The following MAOB variants were observed in gnomAD, a reference collection of about 807,000 sequenced individuals.
The protein encoded by MAOB is amine oxidase [flavin-containing] B.
A neutral mutation model predicts 41.9 loss-of-function variants in MAOB; 15 were observed. The ratio of observed to expected loss-of-function variants is 0.36; its 90% confidence interval spans 0.24 to 0.55. The LOEUF (loss-of-function observed/expected upper bound fraction) is 0.55, where lower values mean the gene tolerates loss of function less well. Among genes scored for constraint, MAOB ranks in the 20% least tolerant of loss-of-function variants. The probability of loss-of-function intolerance (pLI) is 0.86; values close to 1 mark genes in which losing one functional copy is unlikely to be tolerated. For missense variants in MAOB, 345 were observed against 398.7 expected (o/e 0.87, Z 1.15); for synonymous variants, 167 against 144.2 (o/e 1.16, Z -1.13).
intron 3 of MAOB, among the ~76,000 whole-genome samples, chrX:43,829,115 C>A (rs1010282640): frequency 1.8e-5 from 2 of 111,701 alleles, no homozygotes; most frequent in African/African-American, 6.5e-5. Flanking sequence ...TTAACATTTG[C>A]CAACTTTAAA....
At chrX:43,819,541 A>G (rs1007077512) in intron 3 of MAOB, among the ~76,000 whole-genome samples, 16 of 111,110 alleles carry the variant, frequency 1.4e-4, no homozygotes, top group Admixed American at 9.6e-5. Flanking sequence ...TCCCCACAGT[A>G]CCCACTAACA....
intron 5 of MAOB, among the ~76,000 whole-genome samples, chrX:43,800,465 A>C (rs2034579145): frequency 8.9e-6 from 1 of 111,788 alleles, no homozygotes; most frequent in Non-Finnish European, 1.9e-5. Context: ...GAGGTGTTAG[A>C]TAGCATTAGG....
At chrX:43,826,878 G>A (rs756334546) in intron 3 of MAOB, among the ~76,000 whole-genome samples, 22 of 112,024 alleles carry the variant, frequency 2.0e-4, no homozygotes, top group African/African-American at 6.8e-4. Flanking sequence ...TTGCACTGGG[G>A]ATTAAGTTGC....
chrX:43,840,664 G>A lies in MAOB; in HGVS notation c.142-1659C>T, dbSNP rs1000884402. Among the ~76,000 whole-genome samples, 32 of 110,586 alleles carry A rather than the reference G, an allele frequency of 2.9e-4. 1 individual carries two copies. The highest frequency in any genetic ancestry group is 9.9e-4 in the African/African-American group (30 of 30,375). Reference sequence around the variant, plus strand: ...ATGAGCCTAAGCAGGGTGGGGTGTCGCCTTACCTGGGAAGTGCAAGGGGTT... The same window carrying A: ...ATGAGCCTAAGCAGGGTGGGGTGTCACCTTACCTGGGAAGTGCAAGGGGTT... On this transcript the variant is annotated intron_variant, in intron 2 of 14. Transcript: ENST00000378069.
intron 7 of MAOB, among the ~76,000 whole-genome samples, chrX:43,795,446 C>T (rs773072018): frequency 2.7e-5 from 3 of 111,110 alleles, no homozygotes; most frequent in African/African-American, 9.8e-5. Context: ...TTTATGGAGG[C>T]TTCCTTATGT....
intron 12 of MAOB, among the ~76,000 whole-genome samples, chrX:43,773,621 T>C (rs756717500): frequency 2.7e-5 from 3 of 112,525 alleles, no homozygotes; most frequent in Admixed American, 9.4e-5. Context: ...ATAATTCTCA[T>C]GTGTTGTGGG....
intron 1 of MAOB, among the ~76,000 whole-genome samples, chrX:43,858,850 T>A (rs999655168): frequency 7.1e-5 from 8 of 111,964 alleles, no homozygotes; most frequent in Non-Finnish European, 1.1e-4. Flanking sequence ...CCTTTCCATG[T>A]CTGGCCAAAA....
intron 3 of MAOB, among the ~76,000 whole-genome samples, chrX:43,813,811 G>A (rs1371875587): frequency 9.0e-6 from 1 of 111,366 alleles, no homozygotes; most frequent in African/African-American, 3.3e-5. Context: ...GCTCTCCTGG[G>A]AGCTTATATT....
chrX:43,849,763 G>T (rs1258906302), intron 1 of MAOB, among the ~76,000 whole-genome samples: 2 of 112,557 alleles, frequency 1.8e-5, no homozygotes, highest in African/African-American at 3.2e-5. Context: ...TTTGTTGAAT[G>T]AATTTATTTA....
intron 1 of MAOB, among the ~76,000 whole-genome samples, chrX:43,861,353 C>A (rs771739609): frequency 8.9e-6 from 1 of 112,713 alleles, no homozygotes; most frequent in African/African-American, 3.2e-5. Context: ...GTATCAAAAA[C>A]GTATTTTAAT....
chrX:43,774,574 T>C (rs1056723185), intron 12 of MAOB, among the ~76,000 whole-genome samples: 4 of 112,111 alleles, frequency 3.6e-5, no homozygotes, highest in African/African-American at 1.3e-4. Flanking sequence ...AAAGGAGAAG[T>C]GACCTGTTTG....
intron 3 of MAOB, 61 bp downstream of exon 3, chrX:43,838,807 T>C (rs1422676156): frequency 1.9e-6 from 2 of 1,041,956 alleles, no homozygotes; most frequent in East Asian, 6.5e-5. Context: ...TGATCTGGAA[T>C]TTGTGTAAGG....
At position 43,777,284 on chromosome X, in the gene MAOB, T is replaced by C. The variant is rs375323378; in HGVS notation, c.1137+1398A>G. ...ATTTTTAACAGATGTTAAGTTCTGT[T>C]TTTAGTGAGTATATACTGTATTTTT... On this transcript the variant is annotated intron_variant, in intron 11 of 14. Transcript: ENST00000378069. 2.7e-5 allele frequency among the ~76,000 whole-genome samples: 3 copies of C among 111,868 alleles called. No individual in the cohort carries two copies. The East Asian group carries it at 8.4e-4, about 31-fold the overall frequency.
intron 3 of MAOB, among the ~76,000 whole-genome samples, chrX:43,806,689 G>T (rs777142229): frequency 5.4e-5 from 6 of 111,613 alleles, no homozygotes; most frequent in African/African-American, 1.6e-4. Flanking sequence ...ACTTTCTGGA[G>T]ATGGAGAATC....
At chrX:43,818,950 C>T (rs944117163) in intron 3 of MAOB, among the ~76,000 whole-genome samples, 14 of 111,589 alleles carry the variant, frequency 1.3e-4, no homozygotes, top group Non-Finnish European at 2.1e-4. Context: ...TATGGAACAG[C>T]CCCTTGATGG....
At chrX:43,796,767 T>C (rs1336769243) in intron 6 of MAOB, among the ~76,000 whole-genome samples, 1 of 112,209 alleles carries the variant, frequency 8.9e-6, no homozygotes, top group Non-Finnish European at 1.9e-5. Context: ...GAATAGTGTG[T>C]GTTTTAAATT....
At chrX:43,838,444 T>A (rs1300154681) in intron 3 of MAOB, among the ~76,000 whole-genome samples, 1 of 112,140 alleles carries the variant, frequency 8.9e-6, no homozygotes, top group Non-Finnish European at 1.9e-5. Context: ...AGCTGATATA[T>A]AGGCCACAAT....
intron 1 of MAOB, among the ~76,000 whole-genome samples, chrX:43,865,220 A>G (rs1404782153): frequency 8.9e-6 from 1 of 112,406 alleles, no homozygotes; most frequent in Non-Finnish European, 1.9e-5. Context: ...TTTGGCCTTA[A>G]AAAGGAATGA....
intron 1 of MAOB, among the ~76,000 whole-genome samples, chrX:43,878,699 C>A (rs1157112578): frequency 9.0e-6 from 1 of 111,040 alleles, no homozygotes; most frequent in Non-Finnish European, 1.9e-5. Flanking sequence ...GAGAAAGAGG[C>A]TTTGCCATTA....
Sources: gnomAD v4.1 joint callset for allele counts (sites outside exome capture counted in the v4.1 genomes callset) on GRCh38, gnomAD v4.1.1 for gene constraint, MANE v1.5 for transcripts, NCBI Gene and HGNC (gene_info 2026-07-23, HGNC 2026-07-21) for gene names.